SH3PXD2B: variants seen among roughly 807,000 people sequenced by gnomAD.
The protein encoded by SH3PXD2B is SH3 and PX domain-containing protein 2B.
A neutral mutation model predicts 73.1 loss-of-function variants in SH3PXD2B; 37 were observed. That is an observed-to-expected ratio of 0.51 (90% CI 0.39 to 0.67). The LOEUF (loss-of-function observed/expected upper bound fraction) is 0.67. SH3PXD2B is among the 30% of genes least tolerant of loss of function. SH3PXD2B has a pLI of 0.00. For synonymous variants in SH3PXD2B, 457 were observed against 480.5 expected (o/e 0.95, Z 0.64); for missense variants, 1,053 against 1,197.8 (o/e 0.88, Z 1.78).
intron 11 of SH3PXD2B, among the ~76,000 whole-genome samples, chr5:172,346,819 A>AC (rs1451478167): frequency 1.3e-5 from 2 of 152,092 alleles, no homozygotes; most frequent in Admixed American, 1.3e-4. Flanking sequence ...CGTCTCAAAA[A>AC]CCAATGCAAA....
intron 1 of SH3PXD2B, among the ~76,000 whole-genome samples, chr5:172,452,375 C>T (rs537157820): frequency 1.3e-5 from 2 of 152,316 alleles, no homozygotes; most frequent in East Asian, 3.9e-4. Context: ...GAAAAGCTTC[C>T]AGGTTTTCAC....
intron 1 of SH3PXD2B, among the ~76,000 whole-genome samples, chr5:172,447,202 GA>G (rs898419371): frequency 9.5e-5 from 14 of 147,616 alleles, no homozygotes; most frequent in East Asian, 5.9e-4. Flanking sequence ...CAGACAAGCA[GA>G]AAAAAAAAAG....
At chr5:172,372,319 G>A (rs1757723737) in intron 6 of SH3PXD2B, among the ~76,000 whole-genome samples, 1 of 152,052 alleles carries the variant, frequency 6.6e-6, no homozygotes, top group South Asian at 2.1e-4. Flanking sequence ...TTGTTTAAAA[G>A]TGTGTAGCAC....
chr5:172,371,776 C>T (rs1757710603), intron 6 of SH3PXD2B, among the ~76,000 whole-genome samples: 1 of 152,226 alleles, frequency 6.6e-6, no homozygotes, highest in African/African-American at 2.4e-5. Context: ...TGTCTCTTTC[C>T]TCTCTTCTCT....
Position 172,333,664 on chromosome 5 carries a change from A to G in SH3PXD2B, c.*4705T>C, listed in dbSNP as rs1313088626. ...TTTATTTAATGTGTTAAAGGAAACAAAAACCACCACCGGAATGCCAATTTG... is the reference window on the plus strand; with the variant it reads ...TTTATTTAATGTGTTAAAGGAAACAGAAACCACCACCGGAATGCCAATTTG... On this transcript the variant is annotated 3_prime_UTR_variant, in exon 13 of 13. Coordinates refer to ENST00000311601, the MANE Select transcript of SH3PXD2B (RefSeq NM_001017995.3). 1 of 1,289,406 alleles carries G rather than the reference A, an allele frequency of 7.8e-7. No individual in the cohort carries two copies. Among genetic ancestry groups the G allele is most frequent in the Non-Finnish European group, 1.0e-6 (1 of 988,870 alleles). The allele number at this position is 1,289,406 out of a possible 1,614,324, so 79.9% of individuals were successfully genotyped here. A position where few individuals can be genotyped will look rare whatever the true frequency, so the allele number is the denominator to read the frequency against.
Position 172,339,169 on chromosome 5 carries a change from G to A in SH3PXD2B, c.1936C>T (p.Pro646Ser), listed in dbSNP as rs770323424. The A allele has an allele frequency of 1.9e-6, 3 of 1,614,208 alleles. No homozygotes were observed. Among genetic ancestry groups the A allele is most frequent in the Non-Finnish European group, 1.7e-6 (2 of 1,180,034 alleles). The change falls in exon 13 of 13, where the codon CCA becomes TCA. Residue 646 changes from proline (P) to serine (S), a missense_variant. Physicochemically the swap from Pro to Ser is moderately conservative, Grantham distance 74. This residue lies in a region of SH3PXD2B where 587 missense variants were observed against 590.7 expected (regional missense o/e 0.99). Coordinates refer to ENST00000311601, the MANE Select transcript of SH3PXD2B (RefSeq NM_001017995.3). This position sits in a 1 kb window ranked among gnomAD's most constrained non-coding sequence, Gnocchi z 6.1. The stretch of plus-strand genomic sequence containing the variant: ...GGCTCCGTTTTGGGGGAAGGAGCTG[G>A]TTTTGGCCTAACCTGAGGTCTGGAC... The part of the protein sequence containing the change: ...LKSRPQVRPK[P>S]APSPKTEPPQ...
intron 10 of SH3PXD2B, 33 bp downstream of exon 10, chr5:172,350,330 T>C (rs1358976606): frequency 1.2e-6 from 2 of 1,607,744 alleles, no homozygotes; most frequent in Non-Finnish European, 1.7e-6. Flanking sequence ...ACAGGGGCCC[T>C]GATTATCAGG....
At chr5:172,450,089 T>C (rs1419415435) in intron 1 of SH3PXD2B, among the ~76,000 whole-genome samples, 1 of 152,140 alleles carries the variant, frequency 6.6e-6, no homozygotes, top group East Asian at 1.9e-4. Flanking sequence ...TGGGGGATCT[T>C]TCTGGGGATG....
At chr5:172,379,873 G>C (rs1757904136) in intron 5 of SH3PXD2B, among the ~76,000 whole-genome samples, 1 of 152,162 alleles carries the variant, frequency 6.6e-6, no homozygotes, top group African/African-American at 2.4e-5. Context: ...TCCAAACTCA[G>C]GCTCTTTTCT....
chr5:172,348,675 C>T (rs149073308), intron 10 of SH3PXD2B, among the ~76,000 whole-genome samples: 1 of 56,660 alleles, frequency 1.8e-5, no homozygotes, highest in Non-Finnish European at 3.7e-5. Flanking sequence ...ATCTATCTAT[C>T]TATCTATCTA....
chr5:172,338,218 C>T lies in SH3PXD2B; in HGVS notation c.*151G>A. 3 of 1,535,578 alleles carry T rather than the reference C, an allele frequency of 2.0e-6. No homozygotes were observed. The highest frequency in any genetic ancestry group is 2.6e-6 in the Non-Finnish European group (3 of 1,142,564). On this transcript the variant is annotated 3_prime_UTR_variant, in exon 13 of 13. Transcript: ENST00000311601. The surrounding 1 kb of genome is among the most constrained non-coding windows in gnomAD (Gnocchi z 5.1). ...AGGGGCGCCCGAGGTGTCCGAAACT[C>T]ACTCTCCACCCATGGGAGGCAAGAA...
chr5:172,360,615 T>G (rs914057355), intron 7 of SH3PXD2B, among the ~76,000 whole-genome samples: 1 of 152,196 alleles, frequency 6.6e-6, no homozygotes, highest in Admixed American at 6.5e-5. Context: ...GTGGATCACC[T>G]GAGGTCAGTA....
chr5:172,409,100 G>A (rs1758630311), intron 2 of SH3PXD2B, among the ~76,000 whole-genome samples: 3 of 152,088 alleles, frequency 2.0e-5, no homozygotes, highest in Admixed American at 2.0e-4. Context: ...CACTAGAACT[G>A]GCCAGGCGCG....
chr5:172,376,770 T>C (rs1044735455), intron 5 of SH3PXD2B, among the ~76,000 whole-genome samples: 1 of 152,256 alleles, frequency 6.6e-6, no homozygotes, highest in Admixed American at 6.5e-5. Flanking sequence ...GTCAGAAAGC[T>C]ACACTTGGAC....
chr5:172,346,028 G>A lies in SH3PXD2B; in HGVS notation c.1188+108C>T, dbSNP rs548702407. The A allele has an allele frequency of 7.2e-5, 112 of 1,552,042 alleles. No individual in the cohort carries two copies. The African/African-American group carries it at 7.9e-4, about 11-fold the overall frequency. ...GTGAACCATAAAGCTGTTAATCTCC[G>A]CCCCACCTCCACCCACCCAGTGAAG... On this transcript the variant is annotated intron_variant, in intron 12 of 12. Coordinates refer to ENST00000311601, the MANE Select transcript of SH3PXD2B (RefSeq NM_001017995.3).
At chr5:172,350,947 A>G (rs946115833) in intron 9 of SH3PXD2B, among the ~76,000 whole-genome samples, 2 of 152,188 alleles carry the variant, frequency 1.3e-5, no homozygotes, top group South Asian at 4.1e-4. Context: ...AGATCTGTTC[A>G]CGCTGATGAA....
At position 172,390,814 on chromosome 5, in the gene SH3PXD2B, T is replaced by TG. The variant is rs1177557627; in HGVS notation, c.309+3748_309+3749insC. Among the ~76,000 whole-genome samples the TG allele has an allele frequency of 9.6e-3, 1,111 of 116,234 alleles. 3 individuals carry two copies. Among genetic ancestry groups the TG allele is most frequent in the African/African-American group, 0.03 (794 of 26,556 alleles). The allele number at this position is 116,234 out of a possible 152,430, so 76.3% of individuals were successfully genotyped here. A position where few individuals can be genotyped will look rare whatever the true frequency, so the allele number is the denominator to read the frequency against. ...TGTCTTCCAAAGTAGCTTCCCGTCTTTTGTGTGTGTGTGTGTGTGTGTGTG... is the reference window on the plus strand; with the variant it reads ...TGTCTTCCAAAGTAGCTTCCCGTCTTGTTGTGTGTGTGTGTGTGTGTGTGTG... On this transcript the variant is annotated intron_variant, in intron 4 of 12. Coordinates refer to ENST00000311601, the MANE Select transcript of SH3PXD2B (RefSeq NM_001017995.3).
intron 1 of SH3PXD2B, among the ~76,000 whole-genome samples, chr5:172,431,692 A>ACG (rs764267515): frequency 2.6e-5 from 4 of 151,884 alleles, no homozygotes; most frequent in Admixed American, 1.3e-4. Flanking sequence ...CACCCATTGC[A>ACG]CACACACACA....
intron 10 of SH3PXD2B, among the ~76,000 whole-genome samples, chr5:172,349,498 G>C (rs1486368951): frequency 6.6e-6 from 1 of 152,192 alleles, no homozygotes. Flanking sequence ...AGGAGGCTTT[G>C]AAAAGCAAGA....
Sources: gnomAD v4.1 joint callset for allele counts (sites outside exome capture counted in the v4.1 genomes callset) on GRCh38, gnomAD v4.1.1 for gene constraint, gnomAD v4.1.1 regional missense constraint, Gnocchi (gnomAD v3.1) non-coding constraint, MANE v1.5 for transcripts, NCBI Gene and HGNC (gene_info 2026-07-23, HGNC 2026-07-21) for gene names.